ZNF727: variants seen among roughly 807,000 people sequenced by gnomAD.
ZNF727 encodes zinc finger protein 727.
In ZNF727, 11 loss-of-function variants were observed where a neutral mutation model predicts 11.5. The ratio of observed to expected loss-of-function variants is 0.95; its 90% CI spans 0.60 to 1.58. The LOEUF (loss-of-function observed/expected upper bound fraction) is 1.58. ZNF727 is among the 40% of genes most tolerant of loss of function. The probability of loss-of-function intolerance (pLI) is 0.00; values close to 1 mark genes in which losing one functional copy is unlikely to be tolerated. For synonymous variants in ZNF727, 171 were observed against 196.1 expected (o/e 0.87, Z 1.07); for missense variants, 533 against 581.7 (o/e 0.92, Z 0.86).
chr7:64,077,430 A>G lies in ZNF727; in HGVS notation c.381A>G (p.Lys127=), dbSNP rs902148234. ...GTGTGGGTAATTGCAAGGGGCAGAA[A>G]AGCAGTTATAATGGCATTCATCAAT... ...YQRVGNCKGQ[K]SSYNGIHQCL... The change falls in exon 4 of 4, where the codon AAA becomes AAG. Residue 127 remains lysine, a synonymous_variant. Transcript: ENST00000456806. 5.2e-6 allele frequency: 8 copies of G among 1,551,890 alleles called. No homozygotes were observed. In the Admixed American group the frequency reaches 7.8e-5, roughly 15 times the overall value.
chr7:64,046,163 A>G (rs1186735130), intron 1 of ZNF727, among the ~76,000 whole-genome samples: 1 of 152,056 alleles, frequency 6.6e-6, no homozygotes, highest in Non-Finnish European at 1.5e-5. Context: ...CTAGGGAGAC[A>G]TGCGCCGCCA....
intron 3 of ZNF727, among the ~76,000 whole-genome samples, chr7:64,073,448 C>CT (rs141437202): frequency 0.16 from 23,895 of 151,066 alleles, 2,549 homozygotes; most frequent in Non-Finnish European, 0.22. Flanking sequence ...CTACTGGGTT[C>CT]TTTTTTTTCT....
In ZNF727 at chr7:64,077,594, G is replaced by T; in HGVS notation, c.545G>T (p.Cys182Phe). 4 of 1,551,318 alleles carry T rather than the reference G, an allele frequency of 2.6e-6. No homozygotes were observed. In the East Asian group the frequency reaches 7.3e-5, roughly 28 times the overall value. Residue 182 changes from cysteine to phenylalanine, a missense_variant, in exon 4 of 4, where the codon TGT becomes TTT. Coordinates refer to ENST00000456806, the MANE Select transcript of ZNF727 (RefSeq NM_001159522.3). ...CYKCEECGKD[C>F]RLSDFTIQKR... Reference sequence around the variant, plus strand: ...AAATGTGAAGAATGTGGCAAAGACTGTAGGTTGTCAGATTTTACCATACAG... The same window carrying T: ...AAATGTGAAGAATGTGGCAAAGACTTTAGGTTGTCAGATTTTACCATACAG...
intron 3 of ZNF727, 53 bp downstream of exon 3, chr7:64,069,662 G>T: frequency 7.2e-7 from 1 of 1,386,116 alleles, no homozygotes; most frequent in Non-Finnish European, 1.0e-6. Flanking sequence ...CCAATGTCAA[G>T]GAGGAAGCCA....
chr7:64,075,956 A>G (rs1258928612), intron 3 of ZNF727, among the ~76,000 whole-genome samples: 1 of 152,244 alleles, frequency 6.6e-6, no homozygotes, highest in African/African-American at 2.4e-5. Flanking sequence ...ATGCATGGCT[A>G]TCTAGAATAA....
Position 64,078,254 on chromosome 7 carries a change from G to A in ZNF727, c.1205G>A (p.Gly402Asp), listed in dbSNP as rs1224485410. ...GEKPYKCEEC[G>D]KSFTCSSNLI... ...AAACCCTACAAATGTGAAGAATGTG[G>A]CAAAAGCTTTACCTGCTCCTCAAAC... The change falls in exon 4 of 4, where the codon GGC (glycine) becomes GAC (aspartate). Residue 402 changes from glycine (G) to aspartate (D), a missense_variant. By Grantham distance (94) the Gly-to-Asp change is moderately conservative (BLOSUM62 -1). This residue lies in a region of ZNF727 where 463 missense variants were observed against 494.5 expected (regional missense o/e 0.94). Transcript: ENST00000456806. The A allele has an allele frequency of 7.5e-6, 12 of 1,604,718 alleles. No homozygotes were observed. The highest frequency in any genetic ancestry group is 4.4e-5 in the South Asian group (4 of 89,984).
intron 1 of ZNF727, among the ~76,000 whole-genome samples, chr7:64,054,049 C>T (rs1170844281): frequency 6.6e-6 from 1 of 152,164 alleles, no homozygotes; most frequent in Non-Finnish European, 1.5e-5. Flanking sequence ...CCATGAGCTG[C>T]CAGGCTCTGT....
chr7:64,049,913 C>T (rs1007771203), intron 1 of ZNF727, among the ~76,000 whole-genome samples: 2 of 151,530 alleles, frequency 1.3e-5, no homozygotes, highest in African/African-American at 4.8e-5. Context: ...GTCCCATTTA[C>T]ATCTGTTTTA....
In ZNF727 at chr7:64,081,348, G is replaced by A. The variant is rs574269465; in HGVS notation, c.*2799G>A. Reference sequence around the variant, plus strand: ...GTTTTACCACAAAGGCCAGGGTGGGGCTTTCTGGCTCTCTACCCGCCAAAG... The same window carrying A: ...GTTTTACCACAAAGGCCAGGGTGGGACTTTCTGGCTCTCTACCCGCCAAAG... On this transcript the variant is annotated 3_prime_UTR_variant, in exon 4 of 4. Transcript: ENST00000456806. 6.6e-6 allele frequency among the ~76,000 whole-genome samples: 1 copy of A among 152,104 alleles called. No individual in the cohort carries two copies. Among genetic ancestry groups the A allele is most frequent in the Non-Finnish European group, 1.5e-5 (1 of 68,028 alleles).
chr7:64,070,000 T>A (rs1789935746), intron 3 of ZNF727, among the ~76,000 whole-genome samples: 2 of 152,060 alleles, frequency 1.3e-5, no homozygotes, highest in Non-Finnish European at 2.9e-5. Context: ...TAAGTTCTGT[T>A]TTTGGATAAT....
chr7:64,068,836 T>C (rs1401111031), intron 1 of ZNF727, 55 bp from the exon 2 acceptor site: 11 of 1,546,356 alleles, frequency 7.1e-6, no homozygotes, highest in East Asian at 2.4e-5. Context: ...TTTTACCTGA[T>C]GTCAAATCAA....
chr7:64,046,843 A>T (rs1789515323), intron 1 of ZNF727, among the ~76,000 whole-genome samples: 1 of 152,206 alleles, frequency 6.6e-6, no homozygotes, highest in Non-Finnish European at 1.5e-5. Context: ...TGTAAGAGGT[A>T]TGAGGAAGCA....
chr7:64,078,461 A>G lies in ZNF727; in HGVS notation c.1412A>G (p.Lys471Arg). ...TGCTCCTCAAGCCTTATTAAACACA[A>G]GAGAAGTCATACTGGAGACAGACCT... ...FTCSSSLIKH[K>R]RSHTGDRPTS... The change falls in exon 4 of 4, where the codon AAG becomes AGG. Residue 471 changes from lysine to arginine, a missense_variant. Lys to Arg is a conservative substitution (Grantham distance 26). This residue lies in a region of ZNF727 where 54 missense variants were observed against 48.6 expected (regional missense o/e 1.11). Transcript: ENST00000456806. The G allele has an allele frequency of 6.4e-7, 1 of 1,572,542 alleles. No individual in the cohort carries two copies. The highest frequency in any genetic ancestry group is 1.2e-5 in the South Asian group (1 of 86,330).
At chr7:64,065,590 AAGG>A (rs1211459061) in intron 1 of ZNF727, among the ~76,000 whole-genome samples, 2 of 152,180 alleles carry the variant, frequency 1.3e-5, no homozygotes, top group African/African-American at 2.4e-5. Context: ...GATCACAGAG[AAGG>A]AGAAGAAAAA....
In ZNF727 at chr7:64,082,446, T is replaced by A. The variant is rs894367637; in HGVS notation, c.*3897T>A. Reference sequence around the variant, plus strand: ...CTGTAAAACAGCAACAATGGCAGCATGCCCTTTTTTCTAAGAGCTCCATCT... The same window carrying A: ...CTGTAAAACAGCAACAATGGCAGCAAGCCCTTTTTTCTAAGAGCTCCATCT... On this transcript the variant is annotated 3_prime_UTR_variant, in exon 4 of 4. Coordinates refer to ENST00000456806, the MANE Select transcript of ZNF727 (RefSeq NM_001159522.3). 6.6e-6 allele frequency among the ~76,000 whole-genome samples: 1 copy of A among 152,220 alleles called. No individual in the cohort carries two copies. The highest frequency in any genetic ancestry group is 2.4e-5 in the African/African-American group (1 of 41,462).
intron 1 of ZNF727, among the ~76,000 whole-genome samples, chr7:64,063,193 A>G (rs1789803331): frequency 6.6e-6 from 1 of 152,128 alleles, no homozygotes; most frequent in Non-Finnish European, 1.5e-5. Context: ...ATGTCTGGGC[A>G]TTAATGAGTT....
chr7:64,068,613 A>C (rs1450828578), intron 1 of ZNF727, among the ~76,000 whole-genome samples: 3 of 152,120 alleles, frequency 2.0e-5, no homozygotes, highest in Non-Finnish European at 2.9e-5. Context: ...GTATTATGTA[A>C]ATATAGCATT....
chr7:64,074,876 T>G (rs2116323961), intron 3 of ZNF727, among the ~76,000 whole-genome samples: 1 of 152,232 alleles, frequency 6.6e-6, no homozygotes, highest in Non-Finnish European at 1.5e-5. Flanking sequence ...AATTGTTACC[T>G]CTTTCTTAAT....
At chr7:64,077,250 T>C in intron 3 of ZNF727, 26 bp from the exon 4 acceptor site, 2 of 1,444,830 alleles carry the variant, frequency 1.4e-6, no homozygotes, top group South Asian at 2.8e-5. Flanking sequence ...GAGGGAGAAA[T>C]TTTGTGGTTC....
Sources: gnomAD v4.1 joint callset for allele counts (sites outside exome capture counted in the v4.1 genomes callset) on GRCh38, gnomAD v4.1.1 for gene constraint, gnomAD v4.1.1 regional missense constraint, MANE v1.5 for transcripts, NCBI Gene and HGNC (gene_info 2026-07-23, HGNC 2026-07-21) for gene names.